KCNJ6: variants seen among roughly 807,000 people sequenced by gnomAD.
The protein encoded by KCNJ6 is potassium inwardly rectifying channel subfamily J member 6.
KCNJ6 carries 9 observed loss-of-function variants against 34.2 expected under a neutral mutation model. That is an observed-to-expected ratio of 0.26 (90% CI 0.16 to 0.46). KCNJ6 has a LOEUF of 0.46. KCNJ6 is among the 20% of genes least tolerant of loss of function. The probability of loss-of-function intolerance (pLI) is 1.00; values close to 1 mark genes in which losing one functional copy is unlikely to be tolerated. For synonymous variants in KCNJ6, 196 were observed against 207.1 expected (o/e 0.95, Z 0.46); for missense variants, 236 against 531.3 (o/e 0.44, Z 5.46).
At chr21:37,648,247 G>A (rs2123384225) in intron 3 of KCNJ6, among the ~76,000 whole-genome samples, 1 of 152,352 alleles carries the variant, frequency 6.6e-6, no homozygotes, top group African/African-American at 2.4e-5. Context: ...TGAGGCCAGG[G>A]AGCTCTGTCT....
intron 2 of KCNJ6, among the ~76,000 whole-genome samples, chr21:37,739,238 C>T (rs2054927775): frequency 6.6e-6 from 1 of 152,112 alleles, no homozygotes. Context: ...TCACCTATTT[C>T]TTTTTTCCTT....
intron 3 of KCNJ6, among the ~76,000 whole-genome samples, chr21:37,639,295 A>G (rs1471494919): frequency 1.3e-5 from 2 of 152,224 alleles, no homozygotes; most frequent in African/African-American, 2.4e-5. Context: ...TGTTAATTCT[A>G]CAGATGCACT....
intron 3 of KCNJ6, among the ~76,000 whole-genome samples, chr21:37,639,124 C>T (rs1371590216): frequency 2.6e-5 from 4 of 152,288 alleles, no homozygotes; most frequent in African/African-American, 7.2e-5. Context: ...GAAAGCTTCC[C>T]TACTTCCAAA....
intron 2 of KCNJ6, among the ~76,000 whole-genome samples, chr21:37,731,387 G>A (rs2054884440): frequency 6.6e-6 from 1 of 152,192 alleles, no homozygotes; most frequent in Non-Finnish European, 1.5e-5. Context: ...TGGTAAGTGG[G>A]AAGATCCTGG....
At chr21:37,713,852 T>TG (rs2054775832) in intron 3 of KCNJ6, among the ~76,000 whole-genome samples, 2 of 152,164 alleles carry the variant, frequency 1.3e-5, no homozygotes, top group African/African-American at 4.8e-5. Context: ...CCTTCTAACT[T>TG]GGTAACAAAT....
In KCNJ6 at chr21:37,616,902, G is replaced by A. The variant is rs538454159; in HGVS notation, c.*8257C>T. On this transcript the variant is annotated 3_prime_UTR_variant, in exon 4 of 4. Coordinates refer to ENST00000609713, the MANE Select transcript of KCNJ6 (RefSeq NM_002240.5). ...GTGTCTGTAAGTGCTGCAATGCAGA[G>A]TTCCTTGCAGATAATAACGGGACTT... The A allele has an allele frequency of 2.0e-5, 3 of 151,912 alleles. No homozygotes were observed. Among genetic ancestry groups the A allele is most frequent in the Non-Finnish European group, 4.4e-5 (3 of 67,994 alleles). 9.4% of individuals were successfully genotyped at this position (151,912 alleles called of 1,614,324 possible).
chr21:37,761,695 T>C (rs999567389), intron 2 of KCNJ6, among the ~76,000 whole-genome samples: 2 of 148,186 alleles, frequency 1.3e-5, no homozygotes, highest in African/African-American at 2.5e-5. Flanking sequence ...GCGTGTGTGT[T>C]GTATGTAGTG....
intron 2 of KCNJ6, among the ~76,000 whole-genome samples, chr21:37,786,319 G>C (rs1202011698): frequency 6.6e-6 from 1 of 152,166 alleles, no homozygotes; most frequent in Non-Finnish European, 1.5e-5. Context: ...AACTCAGGTG[G>C]ACCAAGTGAC....
chr21:37,701,637 A>G (rs543554431), intron 3 of KCNJ6, among the ~76,000 whole-genome samples: 1 of 152,288 alleles, frequency 6.6e-6, no homozygotes, highest in Admixed American at 6.5e-5. Context: ...TAATAATTAA[A>G]TTAATGACAT....
chr21:37,760,092 C>G (rs2055052934), intron 2 of KCNJ6, among the ~76,000 whole-genome samples: 1 of 152,204 alleles, frequency 6.6e-6, no homozygotes, highest in Admixed American at 6.5e-5. Flanking sequence ...CCCAGTCGAG[C>G]CTTCAGATAA....
At position 37,714,938 on chromosome 21, in the gene KCNJ6, G is replaced by A; in HGVS notation, c.219C>T (p.Thr73=). 1 of 1,613,544 alleles carries A rather than the reference G, an allele frequency of 6.2e-7. No individual in the cohort carries two copies. The part of the protein sequence containing the change: ...CNVHHGNVRE[T]YRYLTDIFTT... The stretch of plus-strand genomic sequence containing the variant: ...TGAAGATATCGGTCAGGTAGCGATA[G>A]GTCTCCCTCACGTTGCCGTGATGAA... Residue 73 remains threonine (T), a synonymous_variant, in exon 3 of 4, where the codon ACC becomes ACT. Transcript: ENST00000609713. This position sits in a 1 kb window ranked among gnomAD's most constrained non-coding sequence, Gnocchi z 5.9.
rs943756789 is a variant in KCNJ6 at position 37,915,866 on chromosome 21, G to T, written c.-28+18C>A. 2.2e-4 allele frequency: 34 copies of T among 152,424 alleles called. No homozygotes were observed. The highest frequency in any genetic ancestry group is 7.7e-4 in the African/African-American group (32 of 41,576). The allele number at this position is 152,424 out of a possible 1,614,324, so 9.4% of individuals were successfully genotyped here. ...GACGCCAGCTCCTCGCCTGCGAGCAGCTCAGCGCACCGCTTACCTGGCTGC... is the reference window on the plus strand; with the variant it reads ...GACGCCAGCTCCTCGCCTGCGAGCATCTCAGCGCACCGCTTACCTGGCTGC... On this transcript the variant is annotated intron_variant, in intron 1 of 3. Transcript: ENST00000609713.
intron 1 of KCNJ6, among the ~76,000 whole-genome samples, chr21:37,859,490 TATATA>T (rs1292762851): frequency 3.8e-4 from 3 of 7,828 alleles, no homozygotes; most frequent in Non-Finnish European, 7.0e-4. Flanking sequence ...TATTACTTTA[TATATA>T]TATATATATA....
chr21:37,737,498 A>G (rs1307584880), intron 2 of KCNJ6, among the ~76,000 whole-genome samples: 1 of 152,238 alleles, frequency 6.6e-6, no homozygotes, highest in Non-Finnish European at 1.5e-5. Flanking sequence ...CATCTTGCTA[A>G]AAGGAAAAGT....
At chr21:37,890,478 C>A (rs2055756952) in intron 1 of KCNJ6, among the ~76,000 whole-genome samples, 1 of 152,194 alleles carries the variant, frequency 6.6e-6, no homozygotes, top group African/African-American at 2.4e-5. Flanking sequence ...AGTAAAAGAG[C>A]TTAAGACCTA....
At chr21:37,655,583 G>A (rs770735698) in intron 3 of KCNJ6, among the ~76,000 whole-genome samples, 2 of 152,144 alleles carry the variant, frequency 1.3e-5, no homozygotes, top group Non-Finnish European at 2.9e-5. Context: ...TGGACAAGGG[G>A]AATGATGTGA....
intron 3 of KCNJ6, among the ~76,000 whole-genome samples, chr21:37,670,015 C>T (rs1250138754): frequency 2.0e-5 from 3 of 152,034 alleles, no homozygotes; most frequent in Non-Finnish European, 4.4e-5. Flanking sequence ...CTATTTAGGT[C>T]TTGATGCATT....
At chr21:37,832,190 G>C (rs1036592283) in intron 2 of KCNJ6, among the ~76,000 whole-genome samples, 4 of 148,358 alleles carry the variant, frequency 2.7e-5, no homozygotes, top group Non-Finnish European at 5.9e-5. Flanking sequence ...AGTTACTTTT[G>C]AGATGATGCT....
At chr21:37,843,589 C>T (rs1444867534) in intron 1 of KCNJ6, among the ~76,000 whole-genome samples, 1 of 152,180 alleles carries the variant, frequency 6.6e-6, no homozygotes, top group East Asian at 1.9e-4. Flanking sequence ...TATTTTAAAG[C>T]CAAGAGTTTC....
Sources: gnomAD v4.1 joint callset for allele counts (sites outside exome capture counted in the v4.1 genomes callset) on GRCh38, gnomAD v4.1.1 for gene constraint, Gnocchi (gnomAD v3.1) non-coding constraint, MANE v1.5 for transcripts, NCBI Gene and HGNC (gene_info 2026-07-23, HGNC 2026-07-21) for gene names.